TTC7B: variants seen among roughly 807,000 people sequenced by gnomAD.
TTC7B encodes tetratricopeptide repeat domain 7B.
TTC7B carries 28 observed loss-of-function variants against 106.8 expected under a neutral mutation model. The ratio of observed to expected loss-of-function variants is 0.26; its 90% CI spans 0.19 to 0.36. TTC7B has a LOEUF of 0.36. Ranked by LOEUF, TTC7B falls within the 10% of genes least tolerant of loss-of-function variation. The probability of loss-of-function intolerance (pLI) is 1.00; values close to 1 mark genes in which losing one functional copy is unlikely to be tolerated. For missense variants in TTC7B, 862 were observed against 1,076.4 expected (o/e 0.80, Z 2.79); for synonymous variants, 405 against 430.6 (o/e 0.94, Z 0.74).
chr14:90,568,849 C>G (rs777635108), intron 19 of TTC7B, among the ~76,000 whole-genome samples: 8 of 152,194 alleles, frequency 5.3e-5, no homozygotes, highest in Non-Finnish European at 1.2e-4. Context: ...ATTCCTTTTA[C>G]TCCAAGGAGG....
chr14:90,598,177 G>C (rs1892288361), intron 17 of TTC7B, among the ~76,000 whole-genome samples: 1 of 152,214 alleles, frequency 6.6e-6, no homozygotes, highest in African/African-American at 2.4e-5. Flanking sequence ...GCTCTGAAAA[G>C]CCACTGCAAG....
chr14:90,614,677 C>G (rs1276267603), intron 16 of TTC7B, among the ~76,000 whole-genome samples: 1 of 152,230 alleles, frequency 6.6e-6, no homozygotes, highest in Non-Finnish European at 1.5e-5. Flanking sequence ...AGTTATTTAG[C>G]CACTTTTAGC....
At position 90,644,216 on chromosome 14, in the gene TTC7B, A is replaced by G; in HGVS notation, c.1591-8T>C. On this transcript the variant is annotated splice_region_variant and splice_polypyrimidine_tract_variant and intron_variant, in intron 14 of 19. Coordinates refer to ENST00000328459, the MANE Select transcript of TTC7B (RefSeq NM_001010854.2). The stretch of plus-strand genomic sequence containing the variant: ...CCCCAGAGCCTCTGGGATCTGGTTT[A>G]AAACAAAACCAAAAAAGGTTTTACA... The G allele has an allele frequency of 6.4e-7, 1 of 1,565,490 alleles. No homozygotes were observed. The highest frequency in any genetic ancestry group is 1.8e-4 in the Middle Eastern group (1 of 5,654).
chr14:90,747,024 T>G (rs1889987651), intron 3 of TTC7B, among the ~76,000 whole-genome samples: 1 of 152,156 alleles, frequency 6.6e-6, no homozygotes, highest in Admixed American at 6.5e-5. Flanking sequence ...ACAAGTGTCT[T>G]TGTTTATTTG....
intron 18 of TTC7B, among the ~76,000 whole-genome samples, chr14:90,583,304 C>A (rs1350329643): frequency 1.3e-5 from 2 of 152,176 alleles, no homozygotes; most frequent in African/African-American, 4.8e-5. Context: ...AGGCTGGTCC[C>A]CTAGGACACA....
chr14:90,550,906 C>T (rs1478074699), intron 19 of TTC7B, among the ~76,000 whole-genome samples: 1 of 152,152 alleles, frequency 6.6e-6, no homozygotes, highest in South Asian at 2.1e-4. Context: ...TCACCCTTGT[C>T]TATGCTCCCA....
At chr14:90,630,980 G>A (rs1158321398) in intron 15 of TTC7B, among the ~76,000 whole-genome samples, 3 of 151,864 alleles carry the variant, frequency 2.0e-5, no homozygotes, top group African/African-American at 4.8e-5. Context: ...GATTACAGGC[G>A]CCTGCCACCA....
At chr14:90,620,382 C>A (rs922843997) in intron 15 of TTC7B, among the ~76,000 whole-genome samples, 2 of 152,176 alleles carry the variant, frequency 1.3e-5, no homozygotes, top group African/African-American at 4.8e-5. Context: ...ACACCAGAAG[C>A]TGGCTCCTGC....
At chr14:90,601,232 A>G (rs377757666) in intron 17 of TTC7B, among the ~76,000 whole-genome samples, 20 of 152,328 alleles carry the variant, frequency 1.3e-4, no homozygotes, top group African/African-American at 4.6e-4. Flanking sequence ...GTCATCACAG[A>G]GTGATGCTCC....
At chr14:90,776,487 A>T (rs1891033930) in intron 3 of TTC7B, among the ~76,000 whole-genome samples, 1 of 152,100 alleles carries the variant, frequency 6.6e-6, no homozygotes, top group African/African-American at 2.4e-5. Flanking sequence ...CATAATTCTA[A>T]TGTACTGTGC....
rs995667405 is a variant in TTC7B at position 90,807,170 on chromosome 14, C to G, written c.121+9005G>C. ...CAGAAAAGTCTCAGGCCAACCAGGACGAGTTGGTCACCCTCACGCCACCAC... is the reference window on the plus strand; with the variant it reads ...CAGAAAAGTCTCAGGCCAACCAGGAGGAGTTGGTCACCCTCACGCCACCAC... On this transcript the variant is annotated intron_variant, in intron 1 of 19. Coordinates refer to ENST00000328459, the MANE Select transcript of TTC7B (RefSeq NM_001010854.2). This position sits in a 1 kb window ranked among gnomAD's most constrained non-coding sequence, Gnocchi z 4.1. Among the ~76,000 whole-genome samples the G allele has an allele frequency of 1.3e-5, 2 of 152,120 alleles. No individual in the cohort carries two copies. Among genetic ancestry groups the G allele is most frequent in the African/African-American group, 4.8e-5 (2 of 41,418 alleles).
At chr14:90,656,961 GGAGTACCCCA>G (rs781184744) in intron 11 of TTC7B, among the ~76,000 whole-genome samples, 10 of 152,170 alleles carry the variant, frequency 6.6e-5, no homozygotes, top group Admixed American at 2.0e-4. Flanking sequence ...AAAAACCCCT[GGAGTACCCCA>G]GAGTACTCCT....
At chr14:90,662,027 G>C (rs545065152) in intron 9 of TTC7B, among the ~76,000 whole-genome samples, 7 of 152,182 alleles carry the variant, frequency 4.6e-5, no homozygotes, top group Non-Finnish European at 7.3e-5. Context: ...GTAGAATCAC[G>C]GGATCCTGTG....
At chr14:90,700,227 C>G (rs927111044) in intron 5 of TTC7B, among the ~76,000 whole-genome samples, 1 of 152,150 alleles carries the variant, frequency 6.6e-6, no homozygotes, top group African/African-American at 2.4e-5. Flanking sequence ...TAGAGAGCTA[C>G]GTGGATAATG....
chr14:90,603,789 C>T (rs1305964285), intron 17 of TTC7B, among the ~76,000 whole-genome samples: 1 of 152,164 alleles, frequency 6.6e-6, no homozygotes, highest in Non-Finnish European at 1.5e-5. Flanking sequence ...AAAATCATTA[C>T]AATTTTAATT....
Position 90,578,327 on chromosome 14 carries a change from G to A in TTC7B, c.2108-19C>T, listed in dbSNP as rs577984977. 9.9e-6 allele frequency: 16 copies of A among 1,610,578 alleles called. No homozygotes were observed. The highest frequency in any genetic ancestry group is 4.0e-5 in the African/African-American group (3 of 75,032). On this transcript the variant is annotated intron_variant, in intron 18 of 19. Coordinates refer to ENST00000328459, the MANE Select transcript of TTC7B (RefSeq NM_001010854.2). The surrounding 1 kb of genome is among the most constrained non-coding windows in gnomAD (Gnocchi z 4.7). ...ACTTCAGCTGTGAGGAGACAGCAAC[G>A]GCACATGCTTTCCTGGTGCCCCTCT...
chr14:90,579,116 A>G (rs1891379856), intron 18 of TTC7B, among the ~76,000 whole-genome samples: 1 of 152,156 alleles, frequency 6.6e-6, no homozygotes, highest in Non-Finnish European at 1.5e-5. Flanking sequence ...TCCAGGGGGA[A>G]CGTGTCAACT....
chr14:90,544,630 G>C (rs1342407792), intron 19 of TTC7B, among the ~76,000 whole-genome samples: 3 of 152,210 alleles, frequency 2.0e-5, no homozygotes, highest in African/African-American at 4.8e-5. Flanking sequence ...GAGGCTGAAT[G>C]AGATCCTGCC....
chr14:90,578,238 G>A lies in TTC7B; in HGVS notation c.2178C>T (p.Phe726=). ...TGTAGAGGACATTGTGGGACATTGG[G>A]AAGAGGTTGGCAGCTTCTTGGGTAC... ...TACTQEAANL[F]PMSHNVLYMR... The change falls in exon 19 of 20, where the codon TTC becomes TTT. Residue 726 remains phenylalanine (F), a synonymous_variant. Transcript: ENST00000328459. This position sits in a 1 kb window ranked among gnomAD's most constrained non-coding sequence, Gnocchi z 4.7. The A allele has an allele frequency of 6.2e-7, 1 of 1,614,256 alleles. No individual in the cohort carries two copies. The highest frequency in any genetic ancestry group is 1.1e-5 in the South Asian group (1 of 91,088).
Sources: allele counts gnomAD v4.1 joint callset (sites outside exome capture counted in the v4.1 genomes callset), GRCh38; gene constraint gnomAD v4.1.1; non-coding constraint Gnocchi (gnomAD v3.1); transcripts MANE v1.5; gene names NCBI Gene and HGNC (gene_info 2026-07-23, HGNC 2026-07-21).